Variants in LRRK1 observed in about 807,000 individuals in gnomAD.
LRRK1 encodes leucine-rich repeat serine/threonine-protein kinase 1.
Under a neutral mutation model 209.1 loss-of-function variants are expected in LRRK1, and 113 were observed. The ratio of observed to expected loss-of-function variants is 0.54; its 90% CI spans 0.46 to 0.63. LRRK1 has a LOEUF of 0.63. Ranked by LOEUF, LRRK1 falls within the 30% of genes least tolerant of loss-of-function variation. The probability of loss-of-function intolerance (pLI) is 0.00; values close to 1 mark genes in which losing one functional copy is unlikely to be tolerated. For synonymous variants in LRRK1, 1,144 were observed against 1,099.7 expected (o/e 1.04, Z -0.80); for missense variants, 2,284 against 2,632.2 (o/e 0.87, Z 2.89).
chr15:101,035,424 C>T (rs4965768), intron 20 of LRRK1, among the ~76,000 whole-genome samples: 147,444 of 152,268 alleles, frequency 0.97, 71,559 homozygotes, highest in East Asian at 1. Flanking sequence ...CTTTTTACTG[C>T]TTTTGACTTA....
chr15:101,009,006 A>G lies in LRRK1; in HGVS notation c.932A>G (p.Asp311Gly). 1 of 1,614,148 alleles carries G rather than the reference A, an allele frequency of 6.2e-7. No individual in the cohort carries two copies. The highest frequency in any genetic ancestry group is 8.5e-7 in the Non-Finnish European group (1 of 1,180,012). Residue 311 changes from aspartate (D) to glycine (G), a missense_variant, in exon 7 of 34, where the codon GAC (aspartate) becomes GGC (glycine). Transcript: ENST00000388948. ...AATCTCCGGAAGCTGAACCTCTCCGACAACCACCTGGGGGAGCTGCCTGGC... is the reference window on the plus strand; with the variant it reads ...AATCTCCGGAAGCTGAACCTCTCCGGCAACCACCTGGGGGAGCTGCCTGGC... ...LINLRKLNLSDNHLGELPGVQ... is the reference protein window; with the variant it reads ...LINLRKLNLSGNHLGELPGVQ...
chr15:100,954,302 G>A (rs888399503), intron 2 of LRRK1, among the ~76,000 whole-genome samples: 7 of 151,774 alleles, frequency 4.6e-5, no homozygotes, highest in East Asian at 1.9e-4. Flanking sequence ...TGTCTTCTTC[G>A]GAAAATTTTT....
chr15:101,008,973 G>C lies in LRRK1; in HGVS notation c.899G>C (p.Gly300Ala). The change falls in exon 7 of 34, where the codon GGC becomes GCC. Residue 300 changes from glycine (G) to alanine (A), a missense_variant. Around this residue, in one of 6 missense-constraint regions of LRRK1, gnomAD observed 494 missense variants for 522.1 expected, o/e 0.95. Transcript: ENST00000388948. ...ACCCTCCCCTCGGTTATCCCCTGGG[G>C]CCTCATCAATCTCCGGAAGCTGAAC... ...LATLPSVIPW[G>A]LINLRKLNLS... 1 of 1,614,104 alleles carries C rather than the reference G, an allele frequency of 6.2e-7. No individual in the cohort carries two copies.
At chr15:101,025,010 G>T in intron 16 of LRRK1, 43 bp downstream of exon 16, 2 of 1,588,706 alleles carry the variant, frequency 1.3e-6, no homozygotes, top group South Asian at 2.2e-5. Flanking sequence ...AGTGCCCAGA[G>T]CTTTGCAGGT....
At position 100,988,764 on chromosome 15, in the gene LRRK1, T is replaced by C. The variant is rs376621989; in HGVS notation, c.564T>C (p.Asn188=). 20 of 1,612,722 alleles carry C rather than the reference T, an allele frequency of 1.2e-5. No individual in the cohort carries two copies. The African/African-American group carries it at 2.0e-4, about 16-fold the overall frequency. ...CGGAGAGCTACGCTGTCAGGAAGAA[T>C]GAGTTCCCTGTCATCGTGCGCTTGC... ...ADPESYAVRK[N]EFPVIVRLPL... is the part of the protein sequence containing the mutation. The change falls in exon 5 of 34, where the codon AAT becomes AAC. Residue 188 remains asparagine (N), a synonymous_variant. Coordinates refer to ENST00000388948, the MANE Select transcript of LRRK1 (RefSeq NM_024652.6).
chr15:100,942,726 C>G (rs2042464848), intron 2 of LRRK1, among the ~76,000 whole-genome samples: 1 of 152,180 alleles, frequency 6.6e-6, no homozygotes, highest in Non-Finnish European at 1.5e-5. Flanking sequence ...ACCTGTATGT[C>G]TCACTGAAGA....
At position 100,989,300 on chromosome 15, in the gene LRRK1, T is replaced by C. The variant is rs1398112465; in HGVS notation, c.664T>C (p.Ser222Pro). ...GCTTCGGCATGGGGCCTATTTCTGT[T>C]CCTACATCTTGCTGGATAGTCCTGA... Reference protein sequence around the residue: ...FLLRHGAYFCSYILLDSPDPS... With the variant: ...FLLRHGAYFCPYILLDSPDPS... The change falls in exon 6 of 34, where the codon TCC becomes CCC. Residue 222 changes from serine to proline, a missense_variant. Coordinates refer to ENST00000388948, the MANE Select transcript of LRRK1 (RefSeq NM_024652.6). 6.2e-7 allele frequency: 1 copy of C among 1,614,040 alleles called. No individual in the cohort carries two copies. Among genetic ancestry groups the C allele is most frequent in the African/African-American group, 1.3e-5 (1 of 74,938 alleles).
At chr15:101,057,450 T>C (rs944401342) in intron 28 of LRRK1, among the ~76,000 whole-genome samples, 1 of 152,192 alleles carries the variant, frequency 6.6e-6, no homozygotes, top group African/African-American at 2.4e-5. Flanking sequence ...GGTGGTGTTT[T>C]TGTGTTTTTG....
At chr15:100,967,361 A>G (rs2030531268) in intron 2 of LRRK1, among the ~76,000 whole-genome samples, 1 of 152,350 alleles carries the variant, frequency 6.6e-6, no homozygotes, top group Admixed American at 6.5e-5. Flanking sequence ...CTGTGTTGGC[A>G]TCTCAGGAAT....
At chr15:101,047,839 G>A (rs977689700) in intron 21 of LRRK1, among the ~76,000 whole-genome samples, 2 of 152,166 alleles carry the variant, frequency 1.3e-5, no homozygotes, top group South Asian at 4.1e-4. Context: ...CTAAACTGAG[G>A]ACATCATTTT....
chr15:101,045,700 GT>G (rs1382201850), intron 20 of LRRK1, among the ~76,000 whole-genome samples: 3 of 152,168 alleles, frequency 2.0e-5, no homozygotes, highest in East Asian at 3.8e-4. Context: ...GGACCATGAT[GT>G]TTTCATGTCT....
At chr15:101,055,691 G>T (rs1292377627) in intron 27 of LRRK1, among the ~76,000 whole-genome samples, 1 of 152,262 alleles carries the variant, frequency 6.6e-6, no homozygotes, top group Non-Finnish European at 1.5e-5. Flanking sequence ...AAGAGTGAAA[G>T]AGCAAGCTGG....
intron 20 of LRRK1, chr15:101,043,924 T>C (rs2034906388): frequency 6.6e-6 from 1 of 152,120 alleles, no homozygotes; most frequent in Non-Finnish European, 1.5e-5. Flanking sequence ...CAGAACAGTG[T>C]CTCTTAAGCT....
chr15:100,969,905 T>TG (rs973211011), intron 2 of LRRK1, among the ~76,000 whole-genome samples: 30 of 152,012 alleles, frequency 2.0e-4, no homozygotes, highest in African/African-American at 6.3e-4. Context: ...CTTTTTTTTT[T>TG]GAGACAGAGT....
At chr15:100,986,922 T>C (rs894330316) in intron 4 of LRRK1, among the ~76,000 whole-genome samples, 3 of 152,170 alleles carry the variant, frequency 2.0e-5, no homozygotes, top group African/African-American at 4.8e-5. Context: ...TTTCCAAACC[T>C]CTCTGAGCTT....
intron 2 of LRRK1, among the ~76,000 whole-genome samples, chr15:100,939,487 A>C (rs73482821): frequency 0.048 from 7,370 of 152,268 alleles, 565 homozygotes; most frequent in African/African-American, 0.17. Flanking sequence ...TGCATCACCT[A>C]GTCACAGAAT....
At chr15:100,989,843 G>A (rs1468991642) in intron 6 of LRRK1, among the ~76,000 whole-genome samples, 1 of 151,356 alleles carries the variant, frequency 6.6e-6, no homozygotes, top group Non-Finnish European at 1.5e-5. Flanking sequence ...TTTTGTTTTT[G>A]TTTCTGGTTT....
At chr15:101,036,571 G>A (rs1041358906) in intron 20 of LRRK1, among the ~76,000 whole-genome samples, 36 of 151,844 alleles carry the variant, frequency 2.4e-4, no homozygotes, top group African/African-American at 8.0e-4. Context: ...AGCTCCTTTA[G>A]TATCAGAATT....
intron 2 of LRRK1, among the ~76,000 whole-genome samples, chr15:100,963,278 C>T (rs1208173459): frequency 6.6e-6 from 1 of 152,170 alleles, no homozygotes; most frequent in Admixed American, 6.5e-5. Context: ...CTGATGGCCG[C>T]ATCCGAGCCC....
Sources: gnomAD v4.1 joint callset for allele counts (sites outside exome capture counted in the v4.1 genomes callset) on GRCh38, gnomAD v4.1.1 for gene constraint, gnomAD v4.1.1 regional missense constraint, MANE v1.5 for transcripts, NCBI Gene and HGNC (gene_info 2026-07-23, HGNC 2026-07-21) for gene names.